UBE2G2: variants seen among roughly 807,000 people sequenced by gnomAD.
UBE2G2 encodes the protein ubiquitin-conjugating enzyme E2 G2.
In UBE2G2, 10 loss-of-function variants were observed where a neutral mutation model predicts 23.0. The ratio of observed to expected loss-of-function variants is 0.43; its 90% confidence interval spans 0.27 to 0.74. The LOEUF is 0.74. UBE2G2 is among the 30% of genes least tolerant of loss of function. The pLI is 0.19. For synonymous variants in UBE2G2, 86 were observed against 81.3 expected (o/e 1.06, Z -0.31); for missense variants, 150 against 218.3 (o/e 0.69, Z 1.97).
chr21:44,769,106 C>G lies in UBE2G2; in HGVS notation c.*2271G>C, dbSNP rs1442445897. 1 of 152,180 alleles carries G rather than the reference C, an allele frequency of 6.6e-6. No individual in the cohort carries two copies. The highest frequency in any genetic ancestry group is 1.5e-5 in the Non-Finnish European group (1 of 68,036). 9.4% of individuals were successfully genotyped at this position (152,180 alleles called of 1,614,324 possible). A position where few individuals can be genotyped will look rare whatever the true frequency, so the allele number is the denominator to read the frequency against. On this transcript the variant is annotated 3_prime_UTR_variant, in exon 6 of 6. Transcript: ENST00000345496. ...TAGGTTCCACCACACAACAGGGACACCATGGGATTGTTTTTTCATTTAATA... is the reference window on the plus strand; with the variant it reads ...TAGGTTCCACCACACAACAGGGACAGCATGGGATTGTTTTTTCATTTAATA...
chr21:44,784,169 G>A (rs2146393588), intron 3 of UBE2G2, among the ~76,000 whole-genome samples: 1 of 151,904 alleles, frequency 6.6e-6, no homozygotes, highest in East Asian at 1.9e-4. Flanking sequence ...AAGAAAGGGA[G>A]GGGAGGGGAG....
At chr21:44,786,169 GC>G (rs1446023211) in intron 3 of UBE2G2, among the ~76,000 whole-genome samples, 3 of 152,226 alleles carry the variant, frequency 2.0e-5, no homozygotes, top group African/African-American at 7.2e-5. Flanking sequence ...CAGGCGTGCT[GC>G]CCCGCTGGCA....
intron 1 of UBE2G2, among the ~76,000 whole-genome samples, chr21:44,788,377 C>A (rs183952847): frequency 2.9e-3 from 444 of 150,810 alleles, no homozygotes; most frequent in African/African-American, 0.011. Context: ...GCAAGCTCCA[C>A]CTCCCAGGTT....
intron 1 of UBE2G2, among the ~76,000 whole-genome samples, chr21:44,792,685 C>G (rs1369952749): frequency 6.6e-6 from 1 of 152,158 alleles, no homozygotes; most frequent in African/African-American, 2.4e-5. Context: ...ACCGATTAAC[C>G]GTTTAATGAA....
intron 3 of UBE2G2, among the ~76,000 whole-genome samples, chr21:44,784,445 C>T (rs1426678409): frequency 6.6e-6 from 1 of 152,148 alleles, no homozygotes; most frequent in Non-Finnish European, 1.5e-5. Flanking sequence ...GTGGCAATAA[C>T]TTCTTCATAT....
chr21:44,768,809 T>C lies in UBE2G2; in HGVS notation c.*2568A>G, dbSNP rs1000911333. 5 of 152,172 alleles carry C rather than the reference T, an allele frequency of 3.3e-5. No individual in the cohort carries two copies. The East Asian group carries it at 9.6e-4, about 29-fold the overall frequency. 9.4% of individuals were successfully genotyped at this position (152,172 alleles called of 1,614,324 possible). On this transcript the variant is annotated 3_prime_UTR_variant, in exon 6 of 6. Transcript: ENST00000345496. The stretch of plus-strand genomic sequence containing the variant: ...CTGCTGAAAAAGCTGCAAAATGTCA[T>C]TTATAGGTTAGTGAACACATCCGTC...
At chr21:44,786,434 G>A (rs2082997297) in intron 3 of UBE2G2, among the ~76,000 whole-genome samples, 1 of 152,072 alleles carries the variant, frequency 6.6e-6, no homozygotes, top group Non-Finnish European at 1.5e-5. Flanking sequence ...ATAGGCCCAA[G>A]CAATTAGGAT....
intron 1 of UBE2G2, chr21:44,789,402 AAAAGAAT>A (rs1555962647): frequency 1.3e-5 from 2 of 151,656 alleles, no homozygotes; most frequent in African/African-American, 4.8e-5. Context: ...AAAAAAAAAA[AAAAGAAT>A]AAACAGAAAG....
intron 1 of UBE2G2, among the ~76,000 whole-genome samples, chr21:44,788,664 G>T (rs2083019775): frequency 6.6e-6 from 1 of 151,688 alleles, no homozygotes; most frequent in Admixed American, 6.6e-5. Context: ...GCAAACATAA[G>T]GGGTACACTG....
chr21:44,778,833 A>G (rs2082933304), intron 3 of UBE2G2, among the ~76,000 whole-genome samples: 1 of 152,344 alleles, frequency 6.6e-6, no homozygotes, highest in South Asian at 2.1e-4. Flanking sequence ...CTCTAACAAC[A>G]AAGGCTAAGG....
rs1555959973 is a variant in UBE2G2, at chr21:44,771,731, ATC to A, written c.386-244_386-243del. ...TCTGAAGACACCAGGACAAGTTGTCATCTGTCTTGCTGTGGAACATGCGACAA... is the reference window on the plus strand; with the variant it reads ...TCTGAAGACACCAGGACAAGTTGTCATGTCTTGCTGTGGAACATGCGACAA... On this transcript the variant is annotated intron_variant, in intron 5 of 5. Transcript: ENST00000345496. The surrounding 1 kb of genome is among the most constrained non-coding windows in gnomAD (Gnocchi z 4.6). Among the ~76,000 whole-genome samples, 2 of 152,168 alleles carry A rather than the reference ATC, an allele frequency of 1.3e-5. No homozygotes were observed. Among genetic ancestry groups the A allele is most frequent in the African/African-American group, 4.8e-5 (2 of 41,434 alleles).
chr21:44,768,662 C>T lies in UBE2G2; in HGVS notation c.*2715G>A, dbSNP rs1344567649. ...AGGTCTCATCGCAACCAACCGTGACCACAGAGGACCACAGAGGAGTGATGA... is the reference window on the plus strand; with the variant it reads ...AGGTCTCATCGCAACCAACCGTGACTACAGAGGACCACAGAGGAGTGATGA... On this transcript the variant is annotated 3_prime_UTR_variant, in exon 6 of 6. Transcript: ENST00000345496. 1 of 152,250 alleles carries T rather than the reference C, an allele frequency of 6.6e-6. No individual in the cohort carries two copies. Among genetic ancestry groups the T allele is most frequent in the Non-Finnish European group, 1.5e-5 (1 of 68,046 alleles). The allele number at this position is 152,250 out of a possible 1,614,324, so 9.4% of individuals were successfully genotyped here. A position where few individuals can be genotyped will look rare whatever the true frequency, so the allele number is the denominator to read the frequency against.
chr21:44,777,181 A>T, intron 4 of UBE2G2, 118 bp downstream of exon 4: 1 of 864,932 alleles, frequency 1.2e-6, no homozygotes, highest in Non-Finnish European at 1.8e-6. Flanking sequence ...AAAACATAAG[A>T]AGTGTTTTCT....
chr21:44,784,069 T>C (rs946794291), intron 3 of UBE2G2, among the ~76,000 whole-genome samples: 8 of 151,822 alleles, frequency 5.3e-5, no homozygotes, highest in African/African-American at 1.9e-4. Context: ...GGTGGGAGGA[T>C]TGTTTGAGCC....
At chr21:44,797,571 C>T (rs1252277762) in intron 1 of UBE2G2, among the ~76,000 whole-genome samples, 1 of 151,794 alleles carries the variant, frequency 6.6e-6, no homozygotes, top group Non-Finnish European at 1.5e-5. Context: ...AAAAATTAGC[C>T]GGGCATGGTG....
intron 1 of UBE2G2, among the ~76,000 whole-genome samples, chr21:44,793,038 G>A (rs1030526073): frequency 1.6e-4 from 25 of 152,246 alleles, no homozygotes; most frequent in South Asian, 2.1e-4. Flanking sequence ...TCTTCATGTG[G>A]AGTAGATCAG....
chr21:44,799,149 T>A (rs1305844614), intron 1 of UBE2G2, among the ~76,000 whole-genome samples: 1 of 152,200 alleles, frequency 6.6e-6, no homozygotes, highest in South Asian at 2.1e-4. Flanking sequence ...AGATGTGCTG[T>A]CATCCAGGTT....
intron 3 of UBE2G2, among the ~76,000 whole-genome samples, chr21:44,784,919 G>A (rs1479583679): frequency 6.6e-6 from 1 of 152,180 alleles, no homozygotes; most frequent in East Asian, 1.9e-4. Context: ...GACAGCAAGC[G>A]CCAAGGGACT....
At chr21:44,795,950 G>T (rs1300418178) in intron 1 of UBE2G2, among the ~76,000 whole-genome samples, 1 of 152,140 alleles carries the variant, frequency 6.6e-6, no homozygotes, top group East Asian at 1.9e-4. Context: ...GACAATAAAC[G>T]CCAAGGATGA....
Sources: gnomAD v4.1 joint callset for allele counts (sites outside exome capture counted in the v4.1 genomes callset) on GRCh38, gnomAD v4.1.1 for gene constraint, Gnocchi (gnomAD v3.1) non-coding constraint, MANE v1.5 for transcripts, NCBI Gene and HGNC (gene_info 2026-07-23, HGNC 2026-07-21) for gene names.